The following MOCOS variants were observed in gnomAD, a reference collection of about 807,000 sequenced individuals.
The protein encoded by MOCOS is human molybdenum cofactor sulfurase.
Under a neutral mutation model 83.6 loss-of-function variants are expected in MOCOS, and 86 were observed. That is an observed-to-expected ratio of 1.03 (90% CI 0.86 to 1.23). MOCOS has a LOEUF of 1.23. MOCOS is among the 50% of genes most tolerant of loss of function. The pLI is 0.00. For synonymous variants in MOCOS, 445 were observed against 434.7 expected (o/e 1.02, Z -0.29); for missense variants, 1,120 against 1,126.9 (o/e 0.99, Z 0.09).
intron 7 of MOCOS, among the ~76,000 whole-genome samples, chr18:36,214,756 GA>G (rs1226403603): frequency 1.3e-5 from 2 of 152,066 alleles, no homozygotes; most frequent in East Asian, 3.9e-4. Context: ...AGAGGGAGGA[GA>G]AGAAATAGAG....
At chr18:36,194,763 T>A (rs2091380613) in intron 1 of MOCOS, among the ~76,000 whole-genome samples, 1 of 152,240 alleles carries the variant, frequency 6.6e-6, no homozygotes, top group African/African-American at 2.4e-5. Flanking sequence ...TATCTCATTT[T>A]CATCTAAATT....
chr18:36,204,335 T>A (rs1309869167), intron 5 of MOCOS, among the ~76,000 whole-genome samples: 4 of 152,246 alleles, frequency 2.6e-5, no homozygotes, highest in Non-Finnish European at 1.5e-5. Flanking sequence ...ATTTGTCCTT[T>A]TGTGTCTGGC....
chr18:36,215,674 C>T lies in MOCOS; in HGVS notation c.1494C>T (p.Val498=), dbSNP rs1165868657. 6.2e-7 allele frequency: 1 copy of T among 1,614,196 alleles called. No individual in the cohort carries two copies. The change falls in exon 8 of 15, where the codon GTC becomes GTT. Residue 498 remains valine, a synonymous_variant. Transcript: ENST00000261326. Reference sequence around the variant, plus strand: ...TGCACTCATCAGGGGACTGGCCTGTCCCTCAGGCCCATGCTGACACCGGGG... The same window carrying T: ...TGCACTCATCAGGGGACTGGCCTGTTCCTCAGGCCCATGCTGACACCGGGG... ...TRLHSSGDWP[V]PQAHADTGET... is the part of the protein sequence containing the mutation.
At chr18:36,242,106 A>G (rs2091585965) in intron 9 of MOCOS, among the ~76,000 whole-genome samples, 3 of 152,212 alleles carry the variant, frequency 2.0e-5, no homozygotes, top group Admixed American at 2.0e-4. Flanking sequence ...TACTTATGCA[A>G]ATTTCTACAG....
chr18:36,200,716 G>A (rs2091410560), intron 4 of MOCOS, among the ~76,000 whole-genome samples: 1 of 152,194 alleles, frequency 6.6e-6, no homozygotes, highest in Non-Finnish European at 1.5e-5. Flanking sequence ...GGCTTTAAAA[G>A]GTGGCACCAT....
At chr18:36,204,563 T>C (rs1210223573) in intron 5 of MOCOS, among the ~76,000 whole-genome samples, 1 of 152,206 alleles carries the variant, frequency 6.6e-6, no homozygotes, top group Non-Finnish European at 1.5e-5. Context: ...GGAATGCCTA[T>C]GGAAAAATTC....
chr18:36,243,156 G>C (rs2091590199), intron 9 of MOCOS, among the ~76,000 whole-genome samples: 1 of 152,130 alleles, frequency 6.6e-6, no homozygotes, highest in African/African-American at 2.4e-5. Context: ...TCATTTATCA[G>C]ATCTGGGAGC....
rs1306178996 is a variant in MOCOS at position 36,270,878 on chromosome 18, G to A, written c.*2193G>A. On this transcript the variant is annotated 3_prime_UTR_variant, in exon 15 of 15. Coordinates refer to ENST00000261326, the MANE Select transcript of MOCOS (RefSeq NM_017947.4). ...CACCCAGGCTGGAGTGCAGTGGCATGATCACAGATCATTGCAGCCTTGACC... is the reference window on the plus strand; with the variant it reads ...CACCCAGGCTGGAGTGCAGTGGCATAATCACAGATCATTGCAGCCTTGACC... 6.6e-6 allele frequency: 1 copy of A among 151,502 alleles called. No homozygotes were observed. Among genetic ancestry groups the A allele is most frequent in the East Asian group, 2.0e-4 (1 of 5,082 alleles). The allele number at this position is 151,502 out of a possible 1,614,324, so 9.4% of individuals were successfully genotyped here. A position where few individuals can be genotyped will look rare whatever the true frequency, so the allele number is the denominator to read the frequency against.
intron 7 of MOCOS, among the ~76,000 whole-genome samples, chr18:36,213,820 T>G (rs112891545): frequency 4.6e-5 from 7 of 151,700 alleles, no homozygotes; most frequent in Non-Finnish European, 1.0e-4. Flanking sequence ...TCCTAGCTAC[T>G]TGGGAGGCTG....
chr18:36,238,080 A>C (rs2091566368), intron 9 of MOCOS, among the ~76,000 whole-genome samples: 1 of 149,122 alleles, frequency 6.7e-6, no homozygotes, highest in African/African-American at 2.5e-5. Context: ...CTTTCAAAAA[A>C]CCAGCTCCTG....
intron 6 of MOCOS, among the ~76,000 whole-genome samples, chr18:36,208,862 T>C (rs1033549566): frequency 6.6e-6 from 1 of 152,228 alleles, no homozygotes; most frequent in Non-Finnish European, 1.5e-5. Flanking sequence ...GTCATCCTTA[T>C]CTTGTGCCAG....
intron 8 of MOCOS, among the ~76,000 whole-genome samples, chr18:36,216,992 G>A (rs561811340): frequency 6.6e-6 from 1 of 152,316 alleles, no homozygotes; most frequent in South Asian, 2.1e-4. Context: ...TAGCAAGGTA[G>A]CTGGACTCTA....
chr18:36,230,594 C>G (rs901388897), intron 9 of MOCOS, among the ~76,000 whole-genome samples: 1 of 152,158 alleles, frequency 6.6e-6, no homozygotes, highest in Non-Finnish European at 1.5e-5. Flanking sequence ...CATTCTCTTG[C>G]GAGTGGCTTC....
chr18:36,258,873 C>T (rs777797322), intron 12 of MOCOS, among the ~76,000 whole-genome samples: 2 of 152,130 alleles, frequency 1.3e-5, no homozygotes, highest in Non-Finnish European at 2.9e-5. Flanking sequence ...CAGCAACTAC[C>T]ACTACCTAGA....
intron 9 of MOCOS, among the ~76,000 whole-genome samples, chr18:36,241,468 C>T (rs951801564): frequency 6.6e-6 from 1 of 152,216 alleles, no homozygotes; most frequent in Non-Finnish European, 1.5e-5. Context: ...CACACTGATG[C>T]AAGAGGTGGG....
chr18:36,195,399 C>T (rs999562098), intron 2 of MOCOS, 53 bp downstream of exon 2: 1 of 1,436,304 alleles, frequency 7.0e-7, no homozygotes, highest in Non-Finnish European at 9.8e-7. Context: ...AGCTGATATA[C>T]CTGTGCATGT....
chr18:36,249,084 A>G (rs2091613152), intron 10 of MOCOS, 84 bp downstream of exon 10: 4 of 1,160,638 alleles, frequency 3.4e-6, no homozygotes, highest in East Asian at 2.4e-5. Context: ...TATGCAATCT[A>G]TCCTTTGCTA....
chr18:36,239,058 A>G (rs1218870060), intron 9 of MOCOS, among the ~76,000 whole-genome samples: 7 of 150,706 alleles, frequency 4.6e-5, no homozygotes, highest in Non-Finnish European at 1.0e-4. Context: ...TCCTGAATAC[A>G]GCACACTGAT....
chr18:36,264,114 G>C (rs1251309863), intron 13 of MOCOS, among the ~76,000 whole-genome samples: 2 of 152,172 alleles, frequency 1.3e-5, no homozygotes, highest in East Asian at 3.9e-4. Context: ...GGTGGAGTTT[G>C]CAGAGAGCTG....
Sources: gnomAD v4.1 joint callset for allele counts (sites outside exome capture counted in the v4.1 genomes callset) on GRCh38, gnomAD v4.1.1 for gene constraint, MANE v1.5 for transcripts, NCBI Gene and HGNC (gene_info 2026-07-23, HGNC 2026-07-21) for gene names.